Variants in ABCB11 observed in about 807,000 individuals in gnomAD.
ABCB11 encodes the protein ATP binding cassette subfamily B member 11.
Under a neutral mutation model 148.0 loss-of-function variants are expected in ABCB11, and 95 were observed. The observed-to-expected ratio is 0.64, with a 90% CI of 0.54 to 0.76. The LOEUF is 0.76. ABCB11 is among the 30% of genes least tolerant of loss of function. The pLI, the probability that ABCB11 is intolerant of heterozygous loss-of-function variation, is 0.00. For missense variants in ABCB11, 1,523 were observed against 1,617.8 expected, an observed-to-expected ratio of 0.94 and a Z score of 1.01; for synonymous variants, 591 against 555.4, an observed-to-expected ratio of 1.06 and a Z score of -0.90.
downstream of ABCB11, among the ~76,000 whole-genome samples, chr2:168,919,364 A>C (rs1691011148): frequency 6.6e-6 from 1 of 152,080 alleles, no homozygotes; most frequent in African/African-American, 2.4e-5. Flanking sequence ...ACTTACCCTC[A>C]AACTCTAGCA....
intron 6 of ABCB11, 35 bp from the exon 7 acceptor site, chr2:168,995,517 T>C: frequency 1.3e-6 from 2 of 1,583,614 alleles, no homozygotes; most frequent in Non-Finnish European, 1.7e-6. Context: ...AGCATTGCAA[T>C]GTTTGAAATA....
At chr2:168,928,917 T>C (rs776199043) in intron 25 of ABCB11, among the ~76,000 whole-genome samples, 2 of 152,214 alleles carry the variant, frequency 1.3e-5, no homozygotes, top group Non-Finnish European at 2.9e-5. Context: ...GTCCTTATTT[T>C]TATAACTTCC....
intron 5 of ABCB11, among the ~76,000 whole-genome samples, chr2:169,000,489 C>G (rs1182521283): frequency 6.6e-6 from 1 of 151,908 alleles, no homozygotes; most frequent in East Asian, 1.9e-4. Context: ...TTTTTTTGCC[C>G]TATGGATGTC....
At position 168,924,789 on chromosome 2, in the gene ABCB11, G is replaced by A. The variant is rs772714766; in HGVS notation, c.3633C>T (p.Asn1211=). The change falls in exon 27 of 28, where the codon AAC becomes AAT. Residue 1211 remains asparagine (N), a synonymous_variant. Transcript: ENST00000650372. ...AGAGTTGAGACCCCTGGGACCCAAC[G>A]TTAGTTTCATATTTCTGAAAAAAAG... ...VMSLPEKYET[N]VGSQGSQLSR... is the part of the protein sequence containing the mutation. 29 of 1,610,742 alleles carry A rather than the reference G, an allele frequency of 1.8e-5. No homozygotes were observed. Among genetic ancestry groups the A allele is most frequent in the South Asian group, 1.8e-4 (16 of 90,416 alleles).
chr2:168,932,360 AG>A lies in ABCB11; in HGVS notation c.3213+16del, dbSNP rs1163813362. Reference sequence around the variant, plus strand: ...AACTCATCCTTTTTTATGGCTGCATAGTATTCCAACACTTACCCATTTTTCA... The same window carrying A: ...AACTCATCCTTTTTTATGGCTGCATATATTCCAACACTTACCCATTTTTCA... On this transcript the variant is annotated intron_variant, in intron 24 of 27. Transcript: ENST00000650372. 1.3e-6 allele frequency: 2 copies of A among 1,547,724 alleles called. No individual in the cohort carries two copies. The highest frequency in any genetic ancestry group is 3.9e-5 in the Admixed American group (2 of 50,982).
intron 18 of ABCB11, among the ~76,000 whole-genome samples, 158 bp downstream of exon 18, chr2:168,964,048 T>TA (rs1246183609): frequency 6.6e-6 from 1 of 151,802 alleles, no homozygotes; most frequent in Non-Finnish European, 1.5e-5. Context: ...GTGTAAAACT[T>TA]AGAGTTTTCA....
intron 25 of ABCB11, among the ~76,000 whole-genome samples, chr2:168,928,431 C>T (rs1164407973): frequency 6.6e-6 from 1 of 151,808 alleles, no homozygotes. Flanking sequence ...ATATTGAACG[C>T]CTACATTTGG....
In ABCB11 at chr2:168,921,263, G is replaced by A. The variant is rs76498695; in HGVS notation, c.*2359C>T. ...AACCATCTTTGCTGTTATATACCAGGAAACACTGGAAAAGAGACATAAATA... is the reference window on the plus strand; with the variant it reads ...AACCATCTTTGCTGTTATATACCAGAAAACACTGGAAAAGAGACATAAATA... On this transcript the variant is annotated 3_prime_UTR_variant, in exon 28 of 28. Transcript: ENST00000650372. Among the ~76,000 whole-genome samples the A allele has an allele frequency of 8.0e-3, 1,215 of 152,204 alleles. 5 individuals are homozygous for A. Among genetic ancestry groups the A allele is most frequent in the Middle Eastern group, 0.014 (4 of 294 alleles).
chr2:168,928,838 C>T (rs114595262), intron 25 of ABCB11, among the ~76,000 whole-genome samples: 1 of 152,116 alleles, frequency 6.6e-6, no homozygotes, highest in African/African-American at 2.4e-5. Context: ...TACTTTCAAA[C>T]AAATTTACAA....
chr2:168,956,907 C>T (rs1422037779), intron 19 of ABCB11, among the ~76,000 whole-genome samples: 2 of 151,610 alleles, frequency 1.3e-5, no homozygotes, highest in Non-Finnish European at 3.0e-5. Flanking sequence ...ACTGTTTGCC[C>T]ATATCCAAAA....
chr2:168,964,418 A>G, intron 17 of ABCB11, 110 bp from the exon 18 acceptor site: 1 of 888,118 alleles, frequency 1.1e-6, no homozygotes, highest in Non-Finnish European at 1.7e-6. Context: ...AATGTTTGGT[A>G]GGTCACATGG....
intron 17 of ABCB11, among the ~76,000 whole-genome samples, chr2:168,966,805 T>C (rs1458895058): frequency 6.6e-6 from 1 of 151,904 alleles, no homozygotes; most frequent in Admixed American, 6.6e-5. Context: ...CAGACTTTCA[T>C]ACTCAAATGT....
chr2:169,027,468 G>A (rs565680944), intron 1 of ABCB11, among the ~76,000 whole-genome samples: 3 of 152,240 alleles, frequency 2.0e-5, no homozygotes, highest in South Asian at 4.2e-4. Flanking sequence ...ACACAGATAC[G>A]CACATTAGAG....
chr2:168,976,443 T>C, intron 12 of ABCB11, 134 bp downstream of exon 12: 1 of 534,634 alleles, frequency 1.9e-6, no homozygotes, highest in Non-Finnish European at 3.3e-6. Context: ...CGAGGATACT[T>C]TCAGAGAAAG....
At chr2:169,028,148 G>A (rs1695757070) in intron 1 of ABCB11, among the ~76,000 whole-genome samples, 2 of 151,890 alleles carry the variant, frequency 1.3e-5, no homozygotes, top group Non-Finnish European at 2.9e-5. Context: ...TCCCTGTACT[G>A]TGAGATCAGT....
Position 169,018,151 on chromosome 2 carries a change from C to T in ABCB11, c.-26G>A. On this transcript the variant is annotated splice_region_variant and 5_prime_UTR_variant, in exon 2 of 28. Coordinates refer to ENST00000650372, the MANE Select transcript of ABCB11 (RefSeq NM_003742.4). ...GGTAATTGCAACCCACAGCCAACGA[C>T]CCTATAAAATAAAATAAAAGAATCA... 1.9e-6 allele frequency: 3 copies of T among 1,609,720 alleles called. No homozygotes were observed. The highest frequency in any genetic ancestry group is 4.5e-5 in the East Asian group (2 of 44,824).
intron 5 of ABCB11, among the ~76,000 whole-genome samples, chr2:169,009,078 A>G (rs1156786457): frequency 6.6e-6 from 1 of 152,210 alleles, no homozygotes; most frequent in Non-Finnish European, 1.5e-5. Flanking sequence ...GCAAATCTAC[A>G]GTCAGAAAGC....
chr2:168,947,716 G>T (rs73018709), intron 19 of ABCB11, among the ~76,000 whole-genome samples: 1 of 151,716 alleles, frequency 6.6e-6, no homozygotes. Context: ...AAAAATAGTG[G>T]TTTGTTCGGC....
rs373921973 is a variant in ABCB11, at chr2:168,996,608, T to G, written c.477+27A>C. The G allele has an allele frequency of 1.6e-4, 219 of 1,348,470 alleles. No homozygotes were observed. In the African/African-American group the frequency reaches 3.0e-3, roughly 19 times the overall value. 83.5% of individuals were successfully genotyped at this position (1,348,470 alleles called of 1,614,324 possible). On this transcript the variant is annotated intron_variant, in intron 6 of 27. Coordinates refer to ENST00000650372, the MANE Select transcript of ABCB11 (RefSeq NM_003742.4). ...GTGTCTTTGAGGTCAGATATTGATC[T>G]ATAAATTATACGGAGGAGCTACTAA...
Sources: allele counts gnomAD v4.1 joint callset (sites outside exome capture counted in the v4.1 genomes callset), GRCh38; gene constraint gnomAD v4.1.1; transcripts MANE v1.5; gene names NCBI Gene and HGNC (gene_info 2026-07-23, HGNC 2026-07-21).